IRF8: variants seen among roughly 807,000 people sequenced by gnomAD.
The protein encoded by IRF8 is interferon consensus sequence binding protein 1.
Under a neutral mutation model 48.7 loss-of-function variants are expected in IRF8, and 14 were observed. The observed-to-expected ratio is 0.29, with a 90% CI of 0.19 to 0.45. The LOEUF (loss-of-function observed/expected upper bound fraction) is 0.45, where lower values mean the gene tolerates loss of function less well. IRF8 is among the 20% of genes least tolerant of loss of function. The pLI is 1.00. For missense variants in IRF8, 493 were observed against 580.7 expected (o/e 0.85, Z 1.55); for synonymous variants, 278 against 227.3 (o/e 1.22, Z -2.01).
intron 3 of IRF8, chr16:85,909,943 A>G (rs966492199): frequency 6.6e-6 from 1 of 152,260 alleles, no homozygotes; most frequent in South Asian, 2.1e-4. Context: ...AGGCTTTTAG[A>G]ATAACCCACT....
intron 3 of IRF8, among the ~76,000 whole-genome samples, chr16:85,911,032 C>T (rs915061907): frequency 1.3e-5 from 2 of 152,192 alleles, no homozygotes; most frequent in African/African-American, 4.8e-5. Context: ...GTGATTACGG[C>T]TGGTGCCCAC....
chr16:85,917,918 G>A (rs1331380660), intron 6 of IRF8, among the ~76,000 whole-genome samples: 1 of 152,192 alleles, frequency 6.6e-6, no homozygotes, highest in Non-Finnish European at 1.5e-5. Flanking sequence ...CTGAAATCCA[G>A]GAAATACCAA....
intron 7 of IRF8, 134 bp from the exon 8 acceptor site, chr16:85,919,975 C>T: frequency 1.4e-6 from 1 of 734,130 alleles, no homozygotes; most frequent in East Asian, 2.7e-5. Context: ...CAAGGGCCAC[C>T]AGTTTGAGAT....
At chr16:85,899,312 C>G (rs984169336) in intron 1 of IRF8, 89 bp downstream of exon 1, 1 of 152,370 alleles carries the variant, frequency 6.6e-6, no homozygotes, top group African/African-American at 2.4e-5. Context: ...GGGGGTGGAA[C>G]TACCTACCGT....
intron 3 of IRF8, 110 bp from the exon 4 acceptor site, chr16:85,911,460 A>G: frequency 1.1e-6 from 1 of 916,162 alleles, no homozygotes; most frequent in Non-Finnish European, 1.8e-6. Flanking sequence ...GAAGACACTC[A>G]CTAACTTAAT....
chr16:85,913,220 G>A lies in IRF8; in HGVS notation c.537G>A (p.Ala179=), dbSNP rs146360039. The A allele has an allele frequency of 1.1e-4, 171 of 1,612,604 alleles. No homozygotes were observed. The African/African-American group carries it at 1.5e-3, about 15-fold the overall frequency. Residue 179 remains alanine (A), a synonymous_variant, in exon 5 of 9, where the codon GCG becomes GCA. Transcript: ENST00000268638. ...CRSQLLPDWW[A]QQPSTGVPLV... ...GTCAGCTCCTTCCAGACTGGTGGGCGCAGCAGCCCAGCACAGGTGAGGGTG... is the reference window on the plus strand; with the variant it reads ...GTCAGCTCCTTCCAGACTGGTGGGCACAGCAGCCCAGCACAGGTGAGGGTG...
At chr16:85,905,161 A>G (rs1002076573) in intron 2 of IRF8, among the ~76,000 whole-genome samples, 1 of 152,188 alleles carries the variant, frequency 6.6e-6, no homozygotes, top group Admixed American at 6.5e-5. Flanking sequence ...GAACCCTGAT[A>G]AGAGCTGGCC....
At chr16:85,903,983 C>T (rs188037475) in intron 2 of IRF8, among the ~76,000 whole-genome samples, 1 of 152,332 alleles carries the variant, frequency 6.6e-6, no homozygotes, top group Admixed American at 6.5e-5. Context: ...GCCATTACAC[C>T]TAGATTCAGA....
chr16:85,920,983 G>C (rs1204333974), intron 8 of IRF8, 123 bp from the exon 9 acceptor site: 1 of 953,404 alleles, frequency 1.0e-6, no homozygotes, highest in African/African-American at 1.6e-5. Context: ...TGGCATTCTG[G>C]CTCATTCACT....
intron 1 of IRF8, among the ~76,000 whole-genome samples, chr16:85,899,508 T>G: frequency 6.6e-6 from 1 of 152,266 alleles, no homozygotes; most frequent in Non-Finnish European, 1.5e-5. Flanking sequence ...ATGGAAAACG[T>G]TAGGAGAGCT....
intron 1 of IRF8, among the ~76,000 whole-genome samples, chr16:85,899,525 A>C (rs553567847): frequency 6.6e-6 from 1 of 152,336 alleles, no homozygotes. Context: ...AGCTCATATA[A>C]TGAACGGCAA....
rs10604224 is a variant in IRF8, at chr16:85,920,239, C to CTTTT, written c.1104+37_1104+40dup. 253 of 488,080 alleles carry CTTTT rather than the reference C, an allele frequency of 5.2e-4. No individual in the cohort carries two copies. Among genetic ancestry groups the CTTTT allele is most frequent in the South Asian group, 1.1e-3 (59 of 53,384 alleles). 30.2% of individuals were successfully genotyped at this position (488,080 alleles called of 1,614,324 possible). A position where few individuals can be genotyped will look rare whatever the true frequency, so the allele number is the denominator to read the frequency against. ...TTCTCGTGCAGGTAAGTATGGGCAGCTTTTTTTTTTTTTTTTTTTTTTTTT... is the reference window on the plus strand; with the variant it reads ...TTCTCGTGCAGGTAAGTATGGGCAGCTTTTTTTTTTTTTTTTTTTTTTTTTTTTT... On this transcript the variant is annotated intron_variant, in intron 8 of 8. Coordinates refer to ENST00000268638, the MANE Select transcript of IRF8 (RefSeq NM_002163.4).
chr16:85,918,666 G>C lies in IRF8; in HGVS notation c.851G>C (p.Arg284Pro), dbSNP rs767169156. 6.2e-7 allele frequency: 1 copy of C among 1,610,876 alleles called. No individual in the cohort carries two copies. Among genetic ancestry groups the C allele is most frequent in the Non-Finnish European group, 8.5e-7 (1 of 1,179,808 alleles). Residue 284 changes from arginine (R) to proline (P), a missense_variant, in exon 7 of 9, where the codon CGG becomes CCG. This residue lies in a region of IRF8 where 408 missense variants were observed against 449.6 expected (regional missense o/e 0.91). Coordinates refer to ENST00000268638, the MANE Select transcript of IRF8 (RefSeq NM_002163.4). Reference protein sequence around the residue: ...LERGVLLHSSRQGVFVKRLCQ... With the variant: ...LERGVLLHSSPQGVFVKRLCQ... ...CGCGGGGTGCTGCTGCACAGCAGCC[G>C]GCAGGGCGTGTTCGTCAAGCGGCTG...
intron 1 of IRF8, among the ~76,000 whole-genome samples, chr16:85,902,537 G>T (rs552978565): frequency 5.3e-5 from 8 of 152,226 alleles, no homozygotes; most frequent in East Asian, 1.9e-4. Context: ...TTTCCCAGAC[G>T]GCACGGACGC....
Position 85,914,426 on chromosome 16 carries a change from C to T in IRF8, c.554-47C>T, listed in dbSNP as rs893078834. 6.8e-6 allele frequency: 11 copies of T among 1,612,694 alleles called. No individual in the cohort carries two copies. In the Admixed American group the frequency reaches 1.2e-4, roughly 17 times the overall value. Reference sequence around the variant, plus strand: ...GGAGCGATTGGGGTTACTCCCTGTACACCACACCTGGGTGGCTCTGAGCTT... The same window carrying T: ...GGAGCGATTGGGGTTACTCCCTGTATACCACACCTGGGTGGCTCTGAGCTT... On this transcript the variant is annotated intron_variant, in intron 5 of 8. Transcript: ENST00000268638.
In IRF8 at chr16:85,909,167, C is replaced by G; in HGVS notation, c.352C>G (p.Gln118Glu). Residue 118 changes from glutamine to glutamate, a missense_variant, in exon 3 of 9, where the codon CAA (glutamine) becomes GAA (glutamate). This residue lies in a region of IRF8 where 408 missense variants were observed against 449.6 expected (regional missense o/e 0.91). Transcript: ENST00000268638. ...TTACCGAATTGTTCCTGAGGAAGAG[C>G]AAAAATGTAACTATCCTTTATGGGC... ...KVYRIVPEEE[Q>E]KCKLGVATAG... 6.2e-7 allele frequency: 1 copy of G among 1,613,956 alleles called. No homozygotes were observed. Among genetic ancestry groups the G allele is most frequent in the Non-Finnish European group, 8.5e-7 (1 of 1,179,868 alleles).
chr16:85,911,490 T>C (rs1905140378), intron 3 of IRF8, 80 bp from the exon 4 acceptor site: 2 of 1,183,762 alleles, frequency 1.7e-6, no homozygotes, highest in Non-Finnish European at 1.3e-6. Flanking sequence ...AACTCAGCAT[T>C]TACAGAGTAG....
chr16:85,918,826 T>C (rs764909469), intron 7 of IRF8, 23 bp downstream of exon 7: 2 of 1,603,496 alleles, frequency 1.2e-6, no homozygotes, highest in Non-Finnish European at 8.5e-7. Flanking sequence ...GTCACCTTGC[T>C]GCCCCCACAT....
chr16:85,921,303 A>G lies in IRF8; in HGVS notation c.*21A>G. On this transcript the variant is annotated 3_prime_UTR_variant, in exon 9 of 9. Coordinates refer to ENST00000268638, the MANE Select transcript of IRF8 (RefSeq NM_002163.4). ...TCTAAGTGCGTCGCTTGGGCGCCCC[A>G]CCCCGTCTGCGTCCTGCATCCATCT... The G allele has an allele frequency of 6.2e-7, 1 of 1,610,886 alleles. No individual in the cohort carries two copies. The highest frequency in any genetic ancestry group is 8.5e-7 in the Non-Finnish European group (1 of 1,178,988).
Sources: allele counts gnomAD v4.1 joint callset (sites outside exome capture counted in the v4.1 genomes callset), GRCh38; gene constraint gnomAD v4.1.1; regional missense constraint gnomAD v4.1.1; transcripts MANE v1.5; gene names NCBI Gene and HGNC (gene_info 2026-07-23, HGNC 2026-07-21).